UNC13C: variants seen among roughly 807,000 people sequenced by gnomAD.
The protein encoded by UNC13C is unc-13 homolog C.
Under a neutral mutation model 245.4 loss-of-function variants are expected in UNC13C, and 174 were observed. The ratio of observed to expected loss-of-function variants is 0.71; its 90% confidence interval spans 0.63 to 0.80. UNC13C has a LOEUF of 0.80. Among genes scored for constraint, UNC13C ranks in the 30% least tolerant of loss-of-function variants. UNC13C has a pLI of 0.00. For missense variants in UNC13C, 2,829 were observed against 2,602.9 expected (o/e 1.09, Z -1.89); for synonymous variants, 992 against 895.1 (o/e 1.11, Z -1.93).
intron 2 of UNC13C, among the ~76,000 whole-genome samples, chr15:54,098,114 A>G (rs1899969449): frequency 6.6e-6 from 1 of 152,170 alleles, no homozygotes; most frequent in Non-Finnish European, 1.5e-5. Context: ...CATTCTGGGG[A>G]TGGGATAGCT....
chr15:54,344,024 A>G (rs995305787), intron 17 of UNC13C, among the ~76,000 whole-genome samples: 1 of 152,216 alleles, frequency 6.6e-6, no homozygotes, highest in South Asian at 2.1e-4. Context: ...TATATCAAAA[A>G]TGAAAAATTC....
intron 19 of UNC13C, among the ~76,000 whole-genome samples, chr15:54,478,255 AACCAGCTCCTGG>A (rs971330388): frequency 1.4e-5 from 2 of 146,332 alleles, no homozygotes; most frequent in African/African-American, 5.1e-5. Context: ...CCTTTCAAAA[AACCAGCTCCTGG>A]ATTCATTAAT....
At chr15:54,043,660 A>G (rs1896907082) in intron 2 of UNC13C, among the ~76,000 whole-genome samples, 1 of 152,172 alleles carries the variant, frequency 6.6e-6, no homozygotes, top group Admixed American at 6.5e-5. Flanking sequence ...TTTCTATGCA[A>G]TCTTGTATTA....
At chr15:53,993,049 T>G (rs1282418979) in intron 1 of UNC13C, among the ~76,000 whole-genome samples, 1 of 152,128 alleles carries the variant, frequency 6.6e-6, no homozygotes, top group Non-Finnish European at 1.5e-5. Context: ...CATCAGTGAT[T>G]AAGTCCTCAT....
chr15:54,015,799 A>C lies in UNC13C; in HGVS notation c.2896A>C (p.Lys966Gln), dbSNP rs779671419. Reference protein sequence around the residue: ...PEQPVEITKPKRIRPSFKEAA... With the variant: ...PEQPVEITKPQRIRPSFKEAA... The stretch of plus-strand genomic sequence containing the variant: ...ACAGCCAGTGGAGATCACAAAGCCA[A>C]AGAGAATTCGTCCTTCTTTCAAAGA... Residue 966 changes from lysine to glutamine, a missense_variant, in exon 2 of 33, where the codon AAG becomes CAG. Lys to Gln is a moderately conservative substitution (Grantham distance 53, BLOSUM62 1). Coordinates refer to ENST00000260323, the MANE Select transcript of UNC13C (RefSeq NM_001080534.3). 6 of 1,611,834 alleles carry C rather than the reference A, an allele frequency of 3.7e-6. No homozygotes were observed. Among genetic ancestry groups the C allele is most frequent in the Non-Finnish European group, 5.1e-6 (6 of 1,178,866 alleles).
In UNC13C at chr15:54,119,602, A is replaced by G. The variant is rs1214014261; in HGVS notation, c.2984-23416A>G. On this transcript the variant is annotated intron_variant, in intron 2 of 32. Transcript: ENST00000260323. Reference sequence around the variant, plus strand: ...CTCTGAGTGTTTAAGTGAGCTGAAGAGTCACACATCTCTCACTTTAAATTG... The same window carrying G: ...CTCTGAGTGTTTAAGTGAGCTGAAGGGTCACACATCTCTCACTTTAAATTG... Among the ~76,000 whole-genome samples the G allele has an allele frequency of 2.0e-5, 3 of 152,266 alleles. No homozygotes were observed. In the East Asian group the frequency reaches 5.8e-4, roughly 29 times the overall value.
chr15:54,171,552 A>G (rs1217723990), intron 4 of UNC13C, among the ~76,000 whole-genome samples: 1 of 152,076 alleles, frequency 6.6e-6, no homozygotes, highest in Non-Finnish European at 1.5e-5. Flanking sequence ...ACTACAATGT[A>G]ATATCATCGC....
rs562179516 is a variant in UNC13C, at chr15:54,204,154, G to A, written c.3072-30876G>A. 2.0e-5 allele frequency among the ~76,000 whole-genome samples: 3 copies of A among 151,588 alleles called. No individual in the cohort carries two copies. In the South Asian group the frequency reaches 6.2e-4, roughly 31 times the overall value. On this transcript the variant is annotated intron_variant, in intron 4 of 32. Transcript: ENST00000260323. ...CTTTGGGGACTCGGGAAAGGTTGGGGGTGTCAAGGGATAAAATACTACACA... is the reference window on the plus strand; with the variant it reads ...CTTTGGGGACTCGGGAAAGGTTGGGAGTGTCAAGGGATAAAATACTACACA...
intron 4 of UNC13C, among the ~76,000 whole-genome samples, chr15:54,167,846 T>C (rs2033241209): frequency 6.6e-6 from 1 of 151,958 alleles, no homozygotes; most frequent in Non-Finnish European, 1.5e-5. Context: ...AAAGAACATA[T>C]AGGAGTGGCC....
chr15:54,175,451 T>C (rs2033574453), intron 4 of UNC13C, among the ~76,000 whole-genome samples: 1 of 151,920 alleles, frequency 6.6e-6, no homozygotes, highest in Admixed American at 6.5e-5. Flanking sequence ...ATGAATCCTC[T>C]TTCCAGTAGG....
chr15:54,164,642 C>T (rs186189651), intron 4 of UNC13C, among the ~76,000 whole-genome samples: 5 of 152,294 alleles, frequency 3.3e-5, no homozygotes, highest in African/African-American at 1.2e-4. Context: ...GAGCCATCAG[C>T]CTCTGGCAGG....
intron 4 of UNC13C, among the ~76,000 whole-genome samples, chr15:54,201,321 A>G (rs1298274139): frequency 2.0e-5 from 3 of 152,114 alleles, no homozygotes; most frequent in Non-Finnish European, 4.4e-5. Flanking sequence ...CTATGAAGCC[A>G]GTATCACTCT....
chr15:54,022,991 T>C (rs888325739), intron 2 of UNC13C, among the ~76,000 whole-genome samples: 4 of 152,194 alleles, frequency 2.6e-5, no homozygotes, highest in Non-Finnish European at 2.9e-5. Context: ...AAAGATAATA[T>C]GTATAAGGAG....
Position 54,627,079 on chromosome 15 carries a change from A to T in UNC13C, c.6611A>T (p.Lys2204Ile). 1 of 1,612,732 alleles carries T rather than the reference A, an allele frequency of 6.2e-7. No homozygotes were observed. Among genetic ancestry groups the T allele is most frequent in the Non-Finnish European group, 8.5e-7 (1 of 1,179,248 alleles). Residue 2204 changes from lysine (K) to isoleucine (I), a missense_variant, in exon 33 of 33, where the codon AAA becomes ATA. By Grantham distance (102) the Lys-to-Ile change is moderately radical. Transcript: ENST00000260323. ...DDVAKEFVRLKSETRSTEESA is the reference protein window; with the variant it reads ...DDVAKEFVRLISETRSTEESA ...GTGGCTAAAGAATTTGTAAGACTTA[A>T]ATCTGAAACAAGATCTACTGAAGAG...
At chr15:53,852,037 C>A in the UNC13C span, among the ~76,000 whole-genome samples, 301 of 152,320 alleles carry the variant, frequency 2.0e-3, no homozygotes, top group Non-Finnish European at 3.7e-3. Context: ...GCTGTGGGAA[C>A]CCCATCTTGA....
At chr15:54,449,833 G>T (rs1479105624) in intron 19 of UNC13C, among the ~76,000 whole-genome samples, 1 of 152,170 alleles carries the variant, frequency 6.6e-6, no homozygotes, top group Admixed American at 6.5e-5. Context: ...CATTCCTTTG[G>T]AGGAGGAGAG....
At chr15:54,439,621 G>A (rs1890407913) in intron 19 of UNC13C, among the ~76,000 whole-genome samples, 1 of 151,656 alleles carries the variant, frequency 6.6e-6, no homozygotes, top group Non-Finnish European at 1.5e-5. Context: ...TTAGATTTTT[G>A]CATATTGATA....
intron 19 of UNC13C, among the ~76,000 whole-genome samples, chr15:54,436,978 A>G (rs72736506): frequency 0.024 from 3,596 of 152,058 alleles, 51 homozygotes; most frequent in African/African-American, 0.044. Context: ...CTGGTTTTCA[A>G]TATTAACACT....
At chr15:54,281,978 T>TG (rs2037008679) in intron 10 of UNC13C, among the ~76,000 whole-genome samples, 1 of 152,196 alleles carries the variant, frequency 6.6e-6, no homozygotes, top group South Asian at 2.1e-4. Context: ...TTCATTCATG[T>TG]GGGGTATGTC....
Sources: allele counts gnomAD v4.1 joint callset (sites outside exome capture counted in the v4.1 genomes callset), GRCh38; gene constraint gnomAD v4.1.1; transcripts MANE v1.5; gene names NCBI Gene and HGNC (gene_info 2026-07-23, HGNC 2026-07-21).